FAM162B: variants seen among roughly 807,000 people sequenced by gnomAD.
FAM162B encodes protein FAM162B.
A neutral mutation model predicts 20.0 loss-of-function variants in FAM162B; 16 were observed. The ratio of observed to expected loss-of-function variants is 0.80; its 90% CI spans 0.54 to 1.21. FAM162B has a LOEUF of 1.21. Ranked by LOEUF, FAM162B falls within the 50% of genes most tolerant of loss-of-function variation. FAM162B has a pLI of 0.00. For missense variants in FAM162B, 260 were observed against 227.5 expected (o/e 1.14, Z -0.92); for synonymous variants, 83 against 89.7 (o/e 0.93, Z 0.42).
chr6:116,757,396 G>A (rs990912737), intron 3 of FAM162B, among the ~76,000 whole-genome samples: 7 of 152,068 alleles, frequency 4.6e-5, no homozygotes, highest in Non-Finnish European at 5.9e-5. Flanking sequence ...TACGGTATAT[G>A]TCATACATGT....
chr6:116,761,966 G>T lies in FAM162B; in HGVS notation c.390+11C>A. ...CTTTTAACTGACTTGCCCTTTTAAG[G>T]AGATACTCACCCTTTTGGCTGACAC... On this transcript the variant is annotated intron_variant, in intron 3 of 3. Coordinates refer to ENST00000368557, the MANE Select transcript of FAM162B (RefSeq NM_001085480.3). 1 of 1,573,024 alleles carries T rather than the reference G, an allele frequency of 6.4e-7. No individual in the cohort carries two copies. The highest frequency in any genetic ancestry group is 1.2e-5 in the South Asian group (1 of 86,914).
chr6:116,765,052 T>C, intron 2 of FAM162B, 95 bp downstream of exon 2: 1 of 1,201,048 alleles, frequency 8.3e-7, no homozygotes, highest in Non-Finnish European at 1.2e-6. Context: ...CTGCGGCCGC[T>C]TTCGCTCCTA....
chr6:116,761,372 C>T (rs768074097), intron 3 of FAM162B, among the ~76,000 whole-genome samples: 2 of 151,954 alleles, frequency 1.3e-5, no homozygotes, highest in Non-Finnish European at 2.9e-5. Flanking sequence ...CAATCACTTC[C>T]AAGCTCTGCA....
intron 3 of FAM162B, among the ~76,000 whole-genome samples, chr6:116,754,406 G>C (rs9489035): frequency 0.039 from 5,941 of 152,232 alleles, 331 homozygotes; most frequent in African/African-American, 0.12. Flanking sequence ...CAGCACCCAA[G>C]CATTGAAACG....
intron 3 of FAM162B, among the ~76,000 whole-genome samples, chr6:116,754,218 C>G (rs1176547568): frequency 6.6e-6 from 1 of 152,124 alleles, no homozygotes; most frequent in Non-Finnish European, 1.5e-5. Flanking sequence ...GACCAAATTC[C>G]TTTATAATCC....
intron 2 of FAM162B, among the ~76,000 whole-genome samples, chr6:116,764,700 C>A (rs1771873237): frequency 6.6e-6 from 1 of 152,166 alleles, no homozygotes; most frequent in Non-Finnish European, 1.5e-5. Context: ...CCCCCCGCCA[C>A]AGCCGCCCCG....
chr6:116,765,491 C>G lies in FAM162B; in HGVS notation c.86G>C (p.Arg29Pro). 2 of 1,405,832 alleles carry G rather than the reference C, an allele frequency of 1.4e-6. No individual in the cohort carries two copies. The highest frequency in any genetic ancestry group is 1.8e-6 in the Non-Finnish European group (2 of 1,085,670). The allele number at this position is 1,405,832 out of a possible 1,614,324, so 87.1% of individuals were successfully genotyped here. ...CGPGAPLEAT[R>P]RPAPALPPRG... Reference sequence around the variant, plus strand: ...GGGCGGAAGAGCCGGTGCGGGCCGTCGCGTGGCCTCGAGAGGCGCCCCGGG... The same window carrying G: ...GGGCGGAAGAGCCGGTGCGGGCCGTGGCGTGGCCTCGAGAGGCGCCCCGGG... Residue 29 changes from arginine to proline, a missense_variant, in exon 1 of 4, where the codon CGA becomes CCA. Physicochemically the swap from Arg to Pro is moderately radical, Grantham distance 103. Transcript: ENST00000368557.
intron 3 of FAM162B, among the ~76,000 whole-genome samples, chr6:116,758,453 C>T (rs552878220): frequency 5.3e-5 from 8 of 152,186 alleles, no homozygotes; most frequent in Admixed American, 1.3e-4. Context: ...TTTAGTGGAG[C>T]TCCTTATAAT....
chr6:116,762,847 C>G lies in FAM162B; in HGVS notation c.282-762G>C, dbSNP rs75025208. Reference sequence around the variant, plus strand: ...AGGCATCATGCCTGTGGGACTTTTACGTTGAAATAAACTTTAACAATTTTC... The same window carrying G: ...AGGCATCATGCCTGTGGGACTTTTAGGTTGAAATAAACTTTAACAATTTTC... On this transcript the variant is annotated intron_variant, in intron 2 of 3. Transcript: ENST00000368557. Among the ~76,000 whole-genome samples, 15 of 152,020 alleles carry G rather than the reference C, an allele frequency of 9.9e-5. No individual in the cohort carries two copies. In the South Asian group the frequency reaches 3.1e-3, roughly 32 times the overall value.
intron 3 of FAM162B, among the ~76,000 whole-genome samples, chr6:116,755,577 A>T (rs1265949035): frequency 6.6e-6 from 1 of 152,222 alleles, no homozygotes; most frequent in Non-Finnish European, 1.5e-5. Context: ...TTGTTGATGA[A>T]GTCTATGCTA....
At chr6:116,765,362 A>C in intron 1 of FAM162B, 43 bp downstream of exon 1, 1 of 1,509,698 alleles carries the variant, frequency 6.6e-7, no homozygotes, top group Non-Finnish European at 8.9e-7. Flanking sequence ...CCCTCCCGCA[A>C]CCTCCTCCCT....
At chr6:116,759,099 GA>G (rs1251601701) in intron 3 of FAM162B, among the ~76,000 whole-genome samples, 1 of 151,980 alleles carries the variant, frequency 6.6e-6, no homozygotes, top group Non-Finnish European at 1.5e-5. Context: ...TAGACTTAGA[GA>G]AGTTCGCTCT....
chr6:116,765,030 G>T (rs1771880471), intron 2 of FAM162B, 117 bp downstream of exon 2: 2 of 856,848 alleles, frequency 2.3e-6, no homozygotes, highest in Admixed American at 1.8e-5. Flanking sequence ...GTGATATTGC[G>T]AAGTGTTGGC....
intron 3 of FAM162B, among the ~76,000 whole-genome samples, chr6:116,759,539 C>A (rs1780109912): frequency 1.3e-5 from 2 of 151,964 alleles, no homozygotes; most frequent in Non-Finnish European, 2.9e-5. Context: ...GATTTCCTGA[C>A]CTTGTGATCC....
At chr6:116,758,597 T>C (rs1780080252) in intron 3 of FAM162B, among the ~76,000 whole-genome samples, 1 of 152,204 alleles carries the variant, frequency 6.6e-6, no homozygotes, top group East Asian at 1.9e-4. Context: ...ATCTATCTTT[T>C]CTGTTGTATA....
At chr6:116,764,107 C>T (rs1771857595) in intron 2 of FAM162B, among the ~76,000 whole-genome samples, 1 of 152,146 alleles carries the variant, frequency 6.6e-6, no homozygotes, top group Admixed American at 6.5e-5. Context: ...TTCTCCCACC[C>T]CACCCCCTAG....
chr6:116,755,157 C>A (rs1191467892), intron 3 of FAM162B, among the ~76,000 whole-genome samples: 2 of 152,182 alleles, frequency 1.3e-5, no homozygotes, highest in African/African-American at 4.8e-5. Flanking sequence ...TGAAAAAAGG[C>A]ATGTTGAAAA....
In FAM162B at chr6:116,752,603, A is replaced by C. The variant is rs1020520641; in HGVS notation, c.483T>G (p.Ala161=). Residue 161 remains alanine (A), a synonymous_variant, in exon 4 of 4, where the codon GCT becomes GCG. Coordinates refer to ENST00000368557, the MANE Select transcript of FAM162B (RefSeq NM_001085480.3). The stretch of plus-strand genomic sequence containing the variant: ...CACTTTGTCACTTAGAATATCATTT[A>C]GCTTTAGCCTGTGCAGCCAATGCAG... ...EEAALAAQAK[A]K is the part of the protein sequence containing the mutation. The C allele has an allele frequency of 6.3e-7, 1 of 1,581,268 alleles. No individual in the cohort carries two copies. Among genetic ancestry groups the C allele is most frequent in the Non-Finnish European group, 8.6e-7 (1 of 1,160,096 alleles).
chr6:116,760,731 C>G (rs2114551491), intron 3 of FAM162B, among the ~76,000 whole-genome samples: 1 of 152,248 alleles, frequency 6.6e-6, no homozygotes, highest in Non-Finnish European at 1.5e-5. Flanking sequence ...TTCAAAATTT[C>G]TCATTTGGTG....
Sources: gnomAD v4.1 joint callset for allele counts (sites outside exome capture counted in the v4.1 genomes callset) on GRCh38, gnomAD v4.1.1 for gene constraint, MANE v1.5 for transcripts, NCBI Gene and HGNC (gene_info 2026-07-23, HGNC 2026-07-21) for gene names.